The following PTPN4 variants were observed in gnomAD, a reference collection of about 807,000 sequenced individuals.
PTPN4 encodes the protein tyrosine-protein phosphatase non-receptor type 4.
In PTPN4, 49 loss-of-function variants were observed where a neutral mutation model predicts 135.5. The observed-to-expected ratio is 0.36, with a 90% confidence interval of 0.29 to 0.46. The LOEUF is 0.46. Among genes scored for constraint, PTPN4 ranks in the 20% least tolerant of loss-of-function variants. The pLI is 1.00. For synonymous variants in PTPN4, 333 were observed against 369.9 expected (o/e 0.90, Z 1.14); for missense variants, 860 against 1,101.0 (o/e 0.78, Z 3.10).
In PTPN4 at chr2:119,934,877, A is replaced by C; in HGVS notation, c.1274A>C (p.His425Pro). ...SVGHLVDHMV[H>P]TSPSEVFVNQ... Reference sequence around the variant, plus strand: ...GGTCATTTGGTAGACCATATGGTTCATACTTCCCCAAGCGAAGTGTTTGTA... The same window carrying C: ...GGTCATTTGGTAGACCATATGGTTCCTACTTCCCCAAGCGAAGTGTTTGTA... Residue 425 changes from histidine to proline, a missense_variant, in exon 15 of 27, where the codon CAT becomes CCT. Physicochemically the swap from His to Pro is moderately conservative, Grantham distance 77 (BLOSUM62 -2). Transcript: ENST00000263708. The C allele has an allele frequency of 6.2e-7, 1 of 1,613,828 alleles. No individual in the cohort carries two copies. The highest frequency in any genetic ancestry group is 8.5e-7 in the Non-Finnish European group (1 of 1,179,692).
In PTPN4 at chr2:119,828,184, C is replaced by A. The variant is rs550434101; in HGVS notation, c.138+18193C>A. Among the ~76,000 whole-genome samples, 4 of 152,326 alleles carry A rather than the reference C, an allele frequency of 2.6e-5. 1 individual carries two copies. In the Middle Eastern group the frequency reaches 0.014, roughly 518 times the overall value. On this transcript the variant is annotated intron_variant, in intron 2 of 26. Transcript: ENST00000263708. ...TCTGGTCATTAGCTCCAGCTGACCT[C>A]CCAGCCAACAGTCAGCATCAGTTGC...
chr2:119,901,219 C>T (rs994293975), intron 10 of PTPN4, among the ~76,000 whole-genome samples: 3 of 152,114 alleles, frequency 2.0e-5, no homozygotes, highest in Non-Finnish European at 2.9e-5. Flanking sequence ...TGAGAAGCAC[C>T]GAAGATCGCA....
At chr2:119,969,121 T>C (rs919154262) in intron 26 of PTPN4, among the ~76,000 whole-genome samples, 14 of 152,076 alleles carry the variant, frequency 9.2e-5, no homozygotes, top group African/African-American at 1.4e-4. Context: ...CCTCCCAAGC[T>C]TAAGCAATCC....
At chr2:119,785,937 C>T (rs528656188) in intron 1 of PTPN4, among the ~76,000 whole-genome samples, 9 of 152,130 alleles carry the variant, frequency 5.9e-5, no homozygotes, top group Non-Finnish European at 1.2e-4. Flanking sequence ...TTCATCTTCA[C>T]GGTATTTAAT....
intron 1 of PTPN4, among the ~76,000 whole-genome samples, chr2:119,808,508 A>G (rs1454918211): frequency 2.0e-5 from 3 of 152,206 alleles, no homozygotes; most frequent in African/African-American, 4.8e-5. Context: ...TAGGAATCCA[A>G]CTTACAAGGG....
chr2:119,975,946 C>A (rs1679608939), intron 26 of PTPN4, among the ~76,000 whole-genome samples: 2 of 151,646 alleles, frequency 1.3e-5, no homozygotes, highest in South Asian at 4.2e-4. Context: ...TCCCTCCATC[C>A]CTTTATAAGA....
At chr2:119,917,840 C>T (rs1678677427) in intron 11 of PTPN4, among the ~76,000 whole-genome samples, 1 of 152,172 alleles carries the variant, frequency 6.6e-6, no homozygotes, top group Non-Finnish European at 1.5e-5. Context: ...AATACCCAAA[C>T]TTCATACGAT....
chr2:119,960,817 C>T lies in PTPN4; in HGVS notation c.2144C>T (p.Pro715Leu). 3 of 1,603,738 alleles carry T rather than the reference C, an allele frequency of 1.9e-6. No individual in the cohort carries two copies. Among genetic ancestry groups the T allele is most frequent in the Non-Finnish European group, 2.5e-6 (3 of 1,177,160 alleles). ...CCCTTTTCTTTTTAGATGGAAATTC[C>T]TTCTTCCAGCATTATAAATCAGTAC... ...INANYINMEI[P>L]SSSIINQYIA... Residue 715 changes from proline (P) to leucine (L), a missense_variant, in exon 23 of 27, where the codon CCT (proline) becomes CTT (leucine). By Grantham distance (98) the Pro-to-Leu change is moderately conservative. Transcript: ENST00000263708.
intron 8 of PTPN4, among the ~76,000 whole-genome samples, chr2:119,883,891 A>G (rs1261283678): frequency 6.6e-6 from 1 of 152,204 alleles, no homozygotes; most frequent in Non-Finnish European, 1.5e-5. Flanking sequence ...TCATGTATCT[A>G]AAACAGGATA....
intron 15 of PTPN4, among the ~76,000 whole-genome samples, chr2:119,935,382 G>A (rs1034204920): frequency 1.3e-5 from 2 of 152,172 alleles, no homozygotes; most frequent in African/African-American, 4.8e-5. Flanking sequence ...ATGTAGATAG[G>A]TAAGAAGATT....
intron 10 of PTPN4, among the ~76,000 whole-genome samples, chr2:119,902,277 G>A (rs2105015806): frequency 6.6e-6 from 1 of 152,270 alleles, no homozygotes; most frequent in Non-Finnish European, 1.5e-5. Flanking sequence ...GAAATATTTT[G>A]GTTAAAGTGT....
chr2:119,931,433 C>CTTTTTTTTTTTTTTTT (rs1158907026), intron 13 of PTPN4, among the ~76,000 whole-genome samples: 51 of 83,354 alleles, frequency 6.1e-4, no homozygotes, highest in Non-Finnish European at 9.3e-4. Flanking sequence ...TTCTTTCTTT[C>CTTTTTTTTTTTTTTTT]TTTTTTTTTT....
At chr2:119,883,368 CACTT>C (rs762840136) in intron 8 of PTPN4, among the ~76,000 whole-genome samples, 37 of 152,194 alleles carry the variant, frequency 2.4e-4, no homozygotes, top group Non-Finnish European at 3.2e-4. Flanking sequence ...AAATCTGAAA[CACTT>C]ACGATCCCAA....
rs1185325816 is a variant in PTPN4, at chr2:119,979,514, A to G, written c.*2444A>G. ...AGAAAAGATCCTTTTTGAAAACCAT[A>G]TTTATTGGGATCTTATTTAAATTTA... On this transcript the variant is annotated 3_prime_UTR_variant, in exon 27 of 27. Transcript: ENST00000263708. 6.6e-6 allele frequency: 1 copy of G among 152,108 alleles called. No individual in the cohort carries two copies. Among genetic ancestry groups the G allele is most frequent in the Admixed American group, 6.5e-5 (1 of 15,268 alleles). The allele number at this position is 152,108 out of a possible 1,614,324, so 9.4% of individuals were successfully genotyped here. A position where few individuals can be genotyped will look rare whatever the true frequency, so the allele number is the denominator to read the frequency against.
At chr2:119,816,081 A>G (rs1558734614) in intron 2 of PTPN4, among the ~76,000 whole-genome samples, 1 of 152,232 alleles carries the variant, frequency 6.6e-6, no homozygotes, top group Non-Finnish European at 1.5e-5. Context: ...GTTGAGCATC[A>G]TAGAGTGTAC....
In PTPN4 at chr2:119,951,671, A is replaced by G. The variant is rs576903073; in HGVS notation, c.1657-302A>G. Among the ~76,000 whole-genome samples the G allele has an allele frequency of 1.3e-4, 20 of 152,310 alleles. No individual in the cohort carries two copies. In the South Asian group the frequency reaches 3.7e-3, roughly 28 times the overall value. ...TTAAATCATGGTAACTGAAGTTTGT[A>G]TGTATCTAGACAGTGTAAAGCTAAA... On this transcript the variant is annotated intron_variant, in intron 18 of 26. Transcript: ENST00000263708.
chr2:119,976,496 C>G (rs577225373), intron 26 of PTPN4, among the ~76,000 whole-genome samples: 11 of 152,050 alleles, frequency 7.2e-5, no homozygotes, highest in Non-Finnish European at 1.5e-4. Context: ...TATCCCTTTT[C>G]TTCCCGACTA....
chr2:119,853,072 C>G (rs756461328), intron 2 of PTPN4, among the ~76,000 whole-genome samples: 14 of 152,144 alleles, frequency 9.2e-5, no homozygotes, highest in Non-Finnish European at 2.1e-4. Context: ...TTGATGGATG[C>G]TTGAAGAGAA....
At chr2:119,866,685 C>A (rs887714600) in intron 3 of PTPN4, among the ~76,000 whole-genome samples, 1 of 152,036 alleles carries the variant, frequency 6.6e-6, no homozygotes, top group Non-Finnish European at 1.5e-5. Flanking sequence ...TTGAAGATTT[C>A]TTTTATATAA....
Sources: gnomAD v4.1 joint callset for allele counts (sites outside exome capture counted in the v4.1 genomes callset) on GRCh38, gnomAD v4.1.1 for gene constraint, MANE v1.5 for transcripts, NCBI Gene and HGNC (gene_info 2026-07-23, HGNC 2026-07-21) for gene names.